The following DENR variants were observed in gnomAD, a reference collection of about 807,000 sequenced individuals.
DENR encodes density regulated re-initiation and release factor.
In DENR, 6 loss-of-function variants were observed where a neutral mutation model predicts 30.6. That is an observed-to-expected ratio of 0.20 (90% CI 0.11 to 0.39). The LOEUF (loss-of-function observed/expected upper bound fraction) is 0.39, where lower values mean the gene tolerates loss of function less well. Ranked by LOEUF, DENR falls within the 10% of genes least tolerant of loss-of-function variation. The pLI is 1.00. For missense variants in DENR, 141 were observed against 230.9 expected (o/e 0.61, Z 2.52); for synonymous variants, 78 against 72.1 (o/e 1.08, Z -0.41).
chr12:122,768,452 C>G (rs1032784868), intron 6 of DENR, among the ~76,000 whole-genome samples: 2 of 151,800 alleles, frequency 1.3e-5, no homozygotes, highest in Non-Finnish European at 2.9e-5. Flanking sequence ...GAGCCAAGAT[C>G]GAGCCACTGC....
chr12:122,757,256 A>G (rs1412461661), intron 2 of DENR, among the ~76,000 whole-genome samples: 1 of 152,222 alleles, frequency 6.6e-6, no homozygotes, highest in African/African-American at 2.4e-5. Context: ...AGAGCAGCTC[A>G]AATTCATTTA....
intron 6 of DENR, 44 bp downstream of exon 6, chr12:122,767,648 CTCTCTCTGTCTCCCTCTA>C (rs1308515431): frequency 2.7e-6 from 3 of 1,114,494 alleles, no homozygotes; most frequent in Non-Finnish European, 2.5e-6. Context: ...GAACTATTTT[CTCTCTCTGTCTCCCTCTA>C]TCTCTCTGTC....
chr12:122,767,226 C>CT (rs1216138343), intron 5 of DENR, among the ~76,000 whole-genome samples: 3 of 152,168 alleles, frequency 2.0e-5, no homozygotes, highest in Non-Finnish European at 4.4e-5. Context: ...GCTGTAACTT[C>CT]TTTTTTTACT....
Position 122,770,905 on chromosome 12 carries a change from G to C in DENR, c.*1827G>C. 2.5e-6 allele frequency: 1 copy of C among 394,254 alleles called. No individual in the cohort carries two copies. The highest frequency in any genetic ancestry group is 4.5e-6 in the Non-Finnish European group (1 of 224,030). 24.4% of individuals were successfully genotyped at this position (394,254 alleles called of 1,614,324 possible). ...CTGGTATGCGTTATGTATGTAGTCT[G>C]TTGCTGCTGAAAGATGTCTGTGTGC... On this transcript the variant is annotated 3_prime_UTR_variant, in exon 8 of 8. Coordinates refer to ENST00000280557, the MANE Select transcript of DENR (RefSeq NM_003677.5).
rs550499427 is a variant in DENR, at chr12:122,769,471, AT to A, written c.*397del. 2.7e-4 allele frequency: 263 copies of A among 986,426 alleles called. No individual in the cohort carries two copies. In the African/African-American group the frequency reaches 4.4e-3, roughly 17 times the overall value. 61.1% of individuals were successfully genotyped at this position (986,426 alleles called of 1,614,324 possible). On this transcript the variant is annotated 3_prime_UTR_variant, in exon 8 of 8. Coordinates refer to ENST00000280557, the MANE Select transcript of DENR (RefSeq NM_003677.5). ...TGAATAGAATTTAGTCAAATAAAAA[AT>A]TTTGGTCATTTGGTACTGACTTTCT...
In DENR at chr12:122,762,792, A is replaced by G. The variant is rs1228959431; in HGVS notation, c.127-53A>G. On this transcript the variant is annotated intron_variant, in intron 3 of 7. Transcript: ENST00000280557. The stretch of plus-strand genomic sequence containing the variant: ...AGGGGGTGATTTTTAATTACGACAT[A>G]TTGTTTGACTGAAAATGTTTTGTTG... The G allele has an allele frequency of 3.3e-6, 4 of 1,211,530 alleles. No individual in the cohort carries two copies. The Admixed American group carries it at 7.0e-5, about 21-fold the overall frequency. The allele number at this position is 1,211,530 out of a possible 1,614,324, so 75.0% of individuals were successfully genotyped here.
At chr12:122,766,907 T>C (rs1878866006) in intron 5 of DENR, among the ~76,000 whole-genome samples, 1 of 152,224 alleles carries the variant, frequency 6.6e-6, no homozygotes, top group Non-Finnish European at 1.5e-5. Context: ...CTGCTATGTA[T>C]GTAATCTTTT....
chr12:122,767,602 T>C lies in DENR; in HGVS notation c.410T>C (p.Phe137Ser), dbSNP rs1268397819. The C allele has an allele frequency of 6.4e-7, 1 of 1,573,690 alleles. No individual in the cohort carries two copies. The highest frequency in any genetic ancestry group is 8.6e-7 in the Non-Finnish European group (1 of 1,157,138). The change falls in exon 6 of 8, where the codon TTT becomes TCT. Residue 137 changes from phenylalanine to serine, a missense_variant and splice_region_variant. By Grantham distance (155) the Phe-to-Ser change is radical. Transcript: ENST00000280557. ...ACAAGAGTATGTGGCCTTGCAACTT[T>C]TGGTGAGTTCAGGCTTAAGTATATT... Reference protein sequence around the residue: ...YVTRVCGLATFEIDLKEAQRF... With the variant: ...YVTRVCGLATSEIDLKEAQRF...
intron 4 of DENR, among the ~76,000 whole-genome samples, chr12:122,763,785 T>C (rs1878771719): frequency 6.6e-6 from 1 of 152,258 alleles, no homozygotes; most frequent in South Asian, 2.1e-4. Context: ...TGCTACACAC[T>C]GTTGCAGATT....
Position 122,770,430 on chromosome 12 carries a change from C to G in DENR, c.*1352C>G. 1 of 393,870 alleles carries G rather than the reference C, an allele frequency of 2.5e-6. No homozygotes were observed. 24.4% of individuals were successfully genotyped at this position (393,870 alleles called of 1,614,324 possible). On this transcript the variant is annotated 3_prime_UTR_variant, in exon 8 of 8. Transcript: ENST00000280557. Reference sequence around the variant, plus strand: ...CATTTTAGACATTTATCGTCATCATCTGCTCTGAGTGGAAGGCCGTTCAGA... The same window carrying G: ...CATTTTAGACATTTATCGTCATCATGTGCTCTGAGTGGAAGGCCGTTCAGA...
intron 2 of DENR, among the ~76,000 whole-genome samples, chr12:122,759,225 C>A (rs1449086523): frequency 6.6e-6 from 1 of 152,130 alleles, no homozygotes; most frequent in African/African-American, 2.4e-5. Context: ...TGTTGCATTG[C>A]ATCAAGAGCT....
intron 2 of DENR, among the ~76,000 whole-genome samples, 165 bp from the exon 3 acceptor site, chr12:122,762,022 A>C (rs1304749096): frequency 6.6e-6 from 1 of 152,200 alleles, no homozygotes; most frequent in Non-Finnish European, 1.5e-5. Context: ...TGTGCCTTTT[A>C]CCCCAAAAAC....
At chr12:122,768,198 TAAA>T (rs1566061160) in intron 6 of DENR, 1 of 152,566 alleles carries the variant, frequency 6.6e-6, no homozygotes, top group South Asian at 2.1e-4. Flanking sequence ...TGACTAGCCT[TAAA>T]AAAGAAAAAA....
chr12:122,766,603 C>G (rs1349337387), intron 5 of DENR, among the ~76,000 whole-genome samples: 1 of 152,168 alleles, frequency 6.6e-6, no homozygotes, highest in Non-Finnish European at 1.5e-5. Context: ...CTTACTGAGT[C>G]TCGAGTCTCA....
intron 5 of DENR, among the ~76,000 whole-genome samples, chr12:122,766,438 G>A (rs983696717): frequency 6.6e-6 from 1 of 152,132 alleles, no homozygotes; most frequent in Non-Finnish European, 1.5e-5. Flanking sequence ...CATTCTGCAC[G>A]TTCTTGTTGG....
chr12:122,753,125 C>A (rs1339967627), intron 1 of DENR, among the ~76,000 whole-genome samples, 175 bp downstream of exon 1: 1 of 152,196 alleles, frequency 6.6e-6, no homozygotes, highest in Non-Finnish European at 1.5e-5. Context: ...TCGCCCTTGT[C>A]CCCTCAGTGC....
rs889702013 is a variant in DENR at position 122,765,292 on chromosome 12, T to TTA, written c.212-11_212-10insAT. 19 of 1,548,896 alleles carry TTA rather than the reference T, an allele frequency of 1.2e-5. No homozygotes were observed. The highest frequency in any genetic ancestry group is 2.0e-5 in the Admixed American group (1 of 50,696). ...TGATGTTCATGCTTTTGTATTTCAC[T>TTA]TTTATATCTAGAAAATTCACCCAAA... On this transcript the variant is annotated splice_polypyrimidine_tract_variant and intron_variant, in intron 4 of 7. Coordinates refer to ENST00000280557, the MANE Select transcript of DENR (RefSeq NM_003677.5).
rs1469205476 is a variant in DENR at position 122,769,207 on chromosome 12, CAT to C, written c.*133_*134del. 1 of 869,104 alleles carries C rather than the reference CAT, an allele frequency of 1.2e-6. No individual in the cohort carries two copies. 53.8% of individuals were successfully genotyped at this position (869,104 alleles called of 1,614,324 possible). On this transcript the variant is annotated 3_prime_UTR_variant, in exon 8 of 8. Transcript: ENST00000280557. Reference sequence around the variant, plus strand: ...ATATACACATATATGTATGTATACACATATACACATGTATATATACATGTGTG... The same window carrying C: ...ATATACACATATATGTATGTATACACATACACATGTATATATACATGTGTG...
At chr12:122,757,014 G>A (rs1442445837) in intron 2 of DENR, among the ~76,000 whole-genome samples, 3 of 152,194 alleles carry the variant, frequency 2.0e-5, no homozygotes, top group African/African-American at 7.2e-5. Context: ...GGACAAGGGA[G>A]ATGGGAGAAA....
Sources: gnomAD v4.1 joint callset for allele counts (sites outside exome capture counted in the v4.1 genomes callset) on GRCh38, gnomAD v4.1.1 for gene constraint, MANE v1.5 for transcripts, NCBI Gene and HGNC (gene_info 2026-07-23, HGNC 2026-07-21) for gene names.